Variants in RALGAPB observed in about 807,000 individuals in gnomAD.
The protein encoded by RALGAPB is Ral GTPase activating protein non-catalytic subunit beta, also known as ral GTPase-activating protein subunit beta.
A neutral mutation model predicts 161.1 loss-of-function variants in RALGAPB; 25 were observed. The ratio of observed to expected loss-of-function variants is 0.16; its 90% CI spans 0.11 to 0.22. RALGAPB has a LOEUF of 0.22. Among genes scored for constraint, RALGAPB ranks in the 10% least tolerant of loss-of-function variants. The pLI, the probability that RALGAPB is intolerant of heterozygous loss-of-function variation, is 1.00. For missense variants in RALGAPB, 1,391 were observed against 1,815.2 expected (o/e 0.77, Z 4.25); for synonymous variants, 629 against 626.1 (o/e 1.00, Z -0.07).
chr20:38,563,399 A>T (rs1192583477), intron 24 of RALGAPB, among the ~76,000 whole-genome samples: 1 of 152,238 alleles, frequency 6.6e-6, no homozygotes, highest in African/African-American at 2.4e-5. Flanking sequence ...CAAAACAGTC[A>T]CACTTAAAGG....
intron 23 of RALGAPB, 83 bp from the exon 24 acceptor site, chr20:38,562,449 A>C (rs2087816942): frequency 3.1e-6 from 4 of 1,271,460 alleles, no homozygotes; most frequent in Non-Finnish European, 4.3e-6. Flanking sequence ...AGAAGCTTCA[A>C]AACTAACCAA....
chr20:38,508,765 T>C (rs894781644), intron 5 of RALGAPB, among the ~76,000 whole-genome samples: 1 of 152,200 alleles, frequency 6.6e-6, no homozygotes, highest in Non-Finnish European at 1.5e-5. Flanking sequence ...CAATTTGTTT[T>C]CAATGTAAAA....
chr20:38,554,339 AACACAGTACCCATATT>A (rs1232912229), intron 22 of RALGAPB, among the ~76,000 whole-genome samples: 7 of 152,212 alleles, frequency 4.6e-5, no homozygotes, highest in African/African-American at 1.7e-4. Flanking sequence ...TTTCCTAGAT[AACACAGTACCCATATT>A]ACACAGATAA....
chr20:38,481,080 T>TA (rs1413760556), intron 1 of RALGAPB, among the ~76,000 whole-genome samples: 1 of 152,080 alleles, frequency 6.6e-6, no homozygotes, highest in Non-Finnish European at 1.5e-5. Context: ...TCAATTTTCT[T>TA]ACCTCCATCA....
chr20:38,517,113 C>G (rs2086149460), intron 7 of RALGAPB, among the ~76,000 whole-genome samples: 1 of 152,178 alleles, frequency 6.6e-6, no homozygotes. Flanking sequence ...ATTCTTTGCA[C>G]AGTGCCTCAT....
At chr20:38,496,438 A>G (rs891097407) in intron 3 of RALGAPB, among the ~76,000 whole-genome samples, 3 of 152,186 alleles carry the variant, frequency 2.0e-5, no homozygotes, top group African/African-American at 7.2e-5. Flanking sequence ...ACTTGGCCTC[A>G]AGACTTTTTT....
chr20:38,568,948 A>T (rs527948573), intron 26 of RALGAPB: 2 of 152,304 alleles, frequency 1.3e-5, no homozygotes, highest in South Asian at 4.1e-4. Context: ...TCAGAGATGG[A>T]AGAAGTTAGA....
chr20:38,562,122 A>G (rs2087806604), intron 23 of RALGAPB, among the ~76,000 whole-genome samples: 1 of 152,234 alleles, frequency 6.6e-6, no homozygotes, highest in African/African-American at 2.4e-5. Context: ...ATCAAGATTT[A>G]TAGTTAAATA....
At chr20:38,557,667 G>T (rs556747909) in intron 22 of RALGAPB, among the ~76,000 whole-genome samples, 13 of 152,212 alleles carry the variant, frequency 8.5e-5, no homozygotes, top group African/African-American at 1.7e-4. Flanking sequence ...TGCATTTAAG[G>T]TTTCTTCATT....
rs749057213 is a variant in RALGAPB at position 38,574,848 on chromosome 20, C to G, written c.4366C>G (p.His1456Asp). Residue 1456 changes from histidine to aspartate, a missense_variant, in exon 30 of 30, where the codon CAT (histidine) becomes GAT (aspartate). By Grantham distance (81) the His-to-Asp change is moderately conservative. Around this residue, in one of 3 missense-constraint regions of RALGAPB, gnomAD observed 436 missense variants for 527.0 expected, o/e 0.83. Transcript: ENST00000262879. ...GGAAAGTGACTCCTACAGTCCCCCC[C>G]ATGTCCGCCGGAAACAGAAAATCAC... ...RLESDSYSPP[H>D]VRRKQKITDI... 3 of 1,613,648 alleles carry G rather than the reference C, an allele frequency of 1.9e-6. No homozygotes were observed. Among genetic ancestry groups the G allele is most frequent in the East Asian group, 2.2e-5 (1 of 44,892 alleles).
chr20:38,556,398 A>G (rs1484357452), intron 22 of RALGAPB, among the ~76,000 whole-genome samples: 1 of 152,148 alleles, frequency 6.6e-6, no homozygotes, highest in African/African-American at 2.4e-5. Context: ...TAAGAGGTAA[A>G]AATCATTGGA....
chr20:38,526,382 G>T (rs557447045), intron 13 of RALGAPB, among the ~76,000 whole-genome samples: 2 of 149,078 alleles, frequency 1.3e-5, no homozygotes, highest in African/African-American at 2.5e-5. Context: ...TCTTCCTCCC[G>T]CCTCGTCCTC....
chr20:38,475,960 G>T (rs898746732), intron 1 of RALGAPB, among the ~76,000 whole-genome samples: 1 of 152,116 alleles, frequency 6.6e-6, no homozygotes, highest in Non-Finnish European at 1.5e-5. Context: ...AAATTTTCTT[G>T]GTTCCGTTTT....
rs575945778 is a variant in RALGAPB at position 38,501,304 on chromosome 20, A to G, written c.740+1671A>G. On this transcript the variant is annotated intron_variant, in intron 5 of 29. Transcript: ENST00000262879. ...TTGCGCTTGCCTTGGCAGCCTATAT[A>G]CTAAGAATGATGTTAAATTTATTCT... Among the ~76,000 whole-genome samples, 10 of 152,278 alleles carry G rather than the reference A, an allele frequency of 6.6e-5. No individual in the cohort carries two copies. In the East Asian group the frequency reaches 1.9e-3, roughly 30 times the overall value.
At chr20:38,548,938 T>C (rs1230882429) in intron 20 of RALGAPB, 143 bp downstream of exon 20, 4 of 656,796 alleles carry the variant, frequency 6.1e-6, no homozygotes, top group Non-Finnish European at 1.1e-5. Flanking sequence ...CAGAATCATC[T>C]AGGAACCTAG....
At position 38,574,832 on chromosome 20, in the gene RALGAPB, C is replaced by A; in HGVS notation, c.4350C>A (p.Asp1450Glu). ...GTAGAAGAAAGAGACTGGAAAGTGA[C>A]TCCTACAGTCCCCCCCATGTCCGCC... ...NICRRKRLES[D>E]SYSPPHVRRK... is the part of the protein sequence containing the mutation. The change falls in exon 30 of 30, where the codon GAC becomes GAA. Residue 1450 changes from aspartate to glutamate, a missense_variant. Coordinates refer to ENST00000262879, the MANE Select transcript of RALGAPB (RefSeq NM_020336.4). The A allele has an allele frequency of 6.2e-7, 1 of 1,613,914 alleles. No individual in the cohort carries two copies. The highest frequency in any genetic ancestry group is 8.5e-7 in the Non-Finnish European group (1 of 1,179,778).
chr20:38,543,278 A>T (rs1208503952), intron 18 of RALGAPB, among the ~76,000 whole-genome samples: 1 of 152,242 alleles, frequency 6.6e-6, no homozygotes, highest in East Asian at 1.9e-4. Flanking sequence ...ATGCAAACAC[A>T]GAACTTTGGC....
chr20:38,550,942 G>A, intron 20 of RALGAPB, 129 bp from the exon 21 acceptor site: 1 of 1,063,684 alleles, frequency 9.4e-7, no homozygotes, highest in Non-Finnish European at 1.4e-6. Flanking sequence ...GCATTTGCAG[G>A]TTCTGAGTGA....
At chr20:38,563,484 C>A (rs114840965) in intron 24 of RALGAPB, among the ~76,000 whole-genome samples, 14 of 152,298 alleles carry the variant, frequency 9.2e-5, no homozygotes, top group South Asian at 8.3e-4. Flanking sequence ...TGCCCATCCC[C>A]GCAGATCCTC....
Sources: allele counts gnomAD v4.1 joint callset (sites outside exome capture counted in the v4.1 genomes callset), GRCh38; gene constraint gnomAD v4.1.1; regional missense constraint gnomAD v4.1.1; transcripts MANE v1.5; gene names NCBI Gene and HGNC (gene_info 2026-07-23, HGNC 2026-07-21).